The following FAM120A variants were observed in gnomAD, a reference collection of about 807,000 sequenced individuals.
FAM120A encodes constitutive coactivator of PPAR-gamma-like protein 1.
FAM120A carries 15 observed loss-of-function variants against 109.7 expected under a neutral mutation model. The observed-to-expected ratio is 0.14, with a 90% CI of 0.09 to 0.21. The LOEUF (loss-of-function observed/expected upper bound fraction) is 0.21, where lower values mean the gene tolerates loss of function less well. Ranked by LOEUF, FAM120A falls within the 10% of genes least tolerant of loss-of-function variation. FAM120A has a pLI of 1.00. For synonymous variants in FAM120A, 493 were observed against 572.8 expected (o/e 0.86, Z 1.99); for missense variants, 899 against 1,439.3 (o/e 0.62, Z 6.07).
intron 14 of FAM120A, 132 bp from the exon 15 acceptor site, chr9:93,558,449 G>C (rs2131565137): frequency 3.5e-6 from 4 of 1,135,032 alleles, no homozygotes; most frequent in Admixed American, 4.5e-5. Context: ...GGACAGTGAG[G>C]TGACAAGAGG....
chr9:93,482,811 C>T (rs537459965), intron 3 of FAM120A, among the ~76,000 whole-genome samples: 2 of 152,220 alleles, frequency 1.3e-5, no homozygotes, highest in African/African-American at 4.8e-5. Flanking sequence ...TTGGGCTTCC[C>T]AGATGGACAC....
In FAM120A at chr9:93,452,235, A is replaced by C. The variant is rs768391703; in HGVS notation, c.320A>C (p.Glu107Ala). ...GCGCTCGAGAAGGCCCGGCTGCACG[A>C]GTGGGTCAAGCGGCAGGGCAACGAG... ...NGALEKARLH[E>A]WVKRQGNERQ... Residue 107 changes from glutamate to alanine, a missense_variant, in exon 1 of 18, where the codon GAG becomes GCG. Glu to Ala is a moderately radical substitution (Grantham distance 107). Transcript: ENST00000277165. This position sits in a 1 kb window ranked among gnomAD's most constrained non-coding sequence, Gnocchi z 7.0. The C allele has an allele frequency of 1.2e-6, 2 of 1,611,200 alleles. No homozygotes were observed. Among genetic ancestry groups the C allele is most frequent in the African/African-American group, 1.3e-5 (1 of 74,824 alleles).
intron 1 of FAM120A, among the ~76,000 whole-genome samples, chr9:93,456,754 C>T (rs995265899): frequency 1.8e-5 from 2 of 111,546 alleles, no homozygotes; most frequent in African/African-American, 4.0e-5. Context: ...TGTGGGTGTG[C>T]CTACCTACAA....
intron 12 of FAM120A, among the ~76,000 whole-genome samples, chr9:93,553,721 T>C (rs996654420): frequency 2.0e-5 from 3 of 152,178 alleles, no homozygotes; most frequent in Admixed American, 2.0e-4. Context: ...GTTCTCCCAA[T>C]TACCAGCTCT....
Position 93,546,532 on chromosome 9 carries a change from G to A in FAM120A, c.2159+3061G>A, listed in dbSNP as rs1042043786. On this transcript the variant is annotated intron_variant, in intron 11 of 17. Transcript: ENST00000277165. The stretch of plus-strand genomic sequence containing the variant: ...GCTGGTGCCTCGTGGCCTGCTGTGT[G>A]TGAGCACTGAGATGCACGGACAGGG... Among the ~76,000 whole-genome samples, 6 of 152,252 alleles carry A rather than the reference G, an allele frequency of 3.9e-5. No individual in the cohort carries two copies. The East Asian group carries it at 7.7e-4, about 20-fold the overall frequency.
intron 3 of FAM120A, among the ~76,000 whole-genome samples, chr9:93,494,473 A>G (rs1299793071): frequency 6.6e-6 from 1 of 152,180 alleles, no homozygotes; most frequent in Non-Finnish European, 1.5e-5. Context: ...GGTGTGGGAC[A>G]GGGAGGTCAT....
Position 93,532,404 on chromosome 9 carries a change from A to G in FAM120A, c.1909+75A>G, listed in dbSNP as rs1201767869. 1 of 1,556,024 alleles carries G rather than the reference A, an allele frequency of 6.4e-7. No individual in the cohort carries two copies. The highest frequency in any genetic ancestry group is 1.1e-5 in the South Asian group (1 of 89,180). ...TCTTGTGCATTTTCTAAAGCCTTAG[A>G]AGAATCATGACTGAGTTGACCCCGA... On this transcript the variant is annotated intron_variant, in intron 10 of 17. Transcript: ENST00000277165. This position sits in a 1 kb window ranked among gnomAD's most constrained non-coding sequence, Gnocchi z 4.3.
intron 7 of FAM120A, chr9:93,523,198 T>G: frequency 5.6e-6 from 3 of 539,792 alleles, no homozygotes; most frequent in Non-Finnish European, 8.8e-6. Flanking sequence ...TGGCTCCCTT[T>G]GATCTGGTAT....
Position 93,452,916 on chromosome 9 carries a change from A to G in FAM120A, c.474+527A>G. The G allele has an allele frequency of 7.0e-7, 1 of 1,429,106 alleles. No homozygotes were observed. The highest frequency in any genetic ancestry group is 9.1e-7 in the Non-Finnish European group (1 of 1,098,740). The allele number at this position is 1,429,106 out of a possible 1,614,324, so 88.5% of individuals were successfully genotyped here. Reference sequence around the variant, plus strand: ...TTGCCAATGTTGTTAGCCCGGTGACAGCGAGACGTGTCTAAGGGCCAGTGC... The same window carrying G: ...TTGCCAATGTTGTTAGCCCGGTGACGGCGAGACGTGTCTAAGGGCCAGTGC... On this transcript the variant is annotated intron_variant, in intron 1 of 17. Coordinates refer to ENST00000277165, the MANE Select transcript of FAM120A (RefSeq NM_014612.5). The surrounding 1 kb of genome is among the most constrained non-coding windows in gnomAD (Gnocchi z 7.0).
Position 93,451,705 on chromosome 9 carries a change from A to AGCGGCGGCG in FAM120A, c.-205_-197dup, listed in dbSNP as rs1299136962. On this transcript the variant is annotated 5_prime_UTR_variant, in exon 1 of 18. Transcript: ENST00000277165. ...TCGGCCTCGGCCTCGCAGCGGCGGC[A>AGCGGCGGCG]GCGGCGGCGGCGGCAGGTCCCTCCC... The AGCGGCGGCG allele has an allele frequency of 2.1e-6, 2 of 970,514 alleles. No homozygotes were observed. Among genetic ancestry groups the AGCGGCGGCG allele is most frequent in the South Asian group, 4.7e-5 (1 of 21,206 alleles). 60.1% of individuals were successfully genotyped at this position (970,514 alleles called of 1,614,324 possible).
At position 93,499,988 on chromosome 9, in the gene FAM120A, G is replaced by A. The variant is rs139303256; in HGVS notation, c.1030+1102G>A. 9.0e-3 allele frequency among the ~76,000 whole-genome samples: 1,373 copies of A among 152,356 alleles called. 10 individuals carry two copies. The highest frequency in any genetic ancestry group is 0.013 in the Non-Finnish European group (852 of 68,038). On this transcript the variant is annotated intron_variant, in intron 5 of 17. Transcript: ENST00000277165. The stretch of plus-strand genomic sequence containing the variant: ...ATGTATGTGGCTGGGTGGTGGACAG[G>A]GAAACATGGCCTGTGCCGATGCCCT...
intron 5 of FAM120A, among the ~76,000 whole-genome samples, chr9:93,504,794 G>A (rs1054755940): frequency 2.6e-5 from 4 of 152,166 alleles, no homozygotes; most frequent in South Asian, 2.1e-4. Context: ...GAATTCCAGG[G>A]AACCTCCAGG....
At chr9:93,461,340 C>T (rs1488966897) in intron 1 of FAM120A, among the ~76,000 whole-genome samples, 1 of 152,144 alleles carries the variant, frequency 6.6e-6, no homozygotes, top group Admixed American at 6.5e-5. Flanking sequence ...AGTAACAAGC[C>T]AGCCCAGACT....
intron 12 of FAM120A, among the ~76,000 whole-genome samples, chr9:93,554,266 G>C (rs1488246020): frequency 6.6e-6 from 1 of 151,822 alleles, no homozygotes; most frequent in Non-Finnish European, 1.5e-5. Flanking sequence ...ATCTGCTGCT[G>C]TTTCTTCAGT....
Position 93,556,458 on chromosome 9 carries a change from A to G in FAM120A, c.2351A>G (p.Asn784Ser). 6.2e-7 allele frequency: 1 copy of G among 1,614,204 alleles called. No individual in the cohort carries two copies. The change falls in exon 13 of 18, where the codon AAT becomes AGT. Residue 784 changes from asparagine (N) to serine (S), a missense_variant. Coordinates refer to ENST00000277165, the MANE Select transcript of FAM120A (RefSeq NM_014612.5). The stretch of plus-strand genomic sequence containing the variant: ...GGAGTAGACATGGCCTTGTTTGCAA[A>G]TGATGCATGCGGACAGCCAATCCCC... ...MSGVDMALFA[N>S]DACGQPIPWE...
intron 1 of FAM120A, among the ~76,000 whole-genome samples, chr9:93,453,817 C>T (rs548484936): frequency 3.9e-5 from 6 of 152,148 alleles, no homozygotes; most frequent in Non-Finnish European, 8.8e-5. Context: ...GATCCATCTC[C>T]CTAATAGAGC....
At chr9:93,464,544 T>C (rs925847520) in intron 1 of FAM120A, among the ~76,000 whole-genome samples, 2 of 152,218 alleles carry the variant, frequency 1.3e-5, no homozygotes, top group African/African-American at 4.8e-5. Flanking sequence ...TATTGGACAC[T>C]AGCCCCCTCA....
At chr9:93,541,646 A>C (rs1298773174) in intron 10 of FAM120A, among the ~76,000 whole-genome samples, 5 of 152,186 alleles carry the variant, frequency 3.3e-5, no homozygotes, top group African/African-American at 1.2e-4. Context: ...TTCAAATGTA[A>C]ATGAAAGACA....
intron 2 of FAM120A, among the ~76,000 whole-genome samples, chr9:93,475,225 G>T (rs1367431557): frequency 6.6e-6 from 1 of 152,240 alleles, no homozygotes; most frequent in African/African-American, 2.4e-5. Context: ...AAATAATTTT[G>T]TGCAGGAAAC....
Sources: gnomAD v4.1 joint callset for allele counts (sites outside exome capture counted in the v4.1 genomes callset) on GRCh38, gnomAD v4.1.1 for gene constraint, Gnocchi (gnomAD v3.1) non-coding constraint, MANE v1.5 for transcripts, NCBI Gene and HGNC (gene_info 2026-07-23, HGNC 2026-07-21) for gene names.